The following TBC1D5 variants were observed in gnomAD, a reference collection of about 807,000 sequenced individuals.
TBC1D5 encodes TBC1 domain family, member 5.
A neutral mutation model predicts 100.3 loss-of-function variants in TBC1D5; 75 were observed. That is an observed-to-expected ratio of 0.75 (90% CI 0.62 to 0.91). The LOEUF (loss-of-function observed/expected upper bound fraction) is 0.91. Ranked by LOEUF, TBC1D5 falls within the 40% of genes least tolerant of loss-of-function variation. The pLI is 0.00. For missense variants in TBC1D5, 910 were observed against 942.4 expected (o/e 0.97, Z 0.45); for synonymous variants, 323 against 325.6 (o/e 0.99, Z 0.09).
chr3:17,215,299 C>T (rs188051367), intron 17 of TBC1D5, among the ~76,000 whole-genome samples: 1 of 152,202 alleles, frequency 6.6e-6, no homozygotes, highest in African/African-American at 2.4e-5. Context: ...ATGATCATGA[C>T]TTGGTGGTGA....
intron 1 of TBC1D5, among the ~76,000 whole-genome samples, chr3:17,731,443 T>G (rs1486763620): frequency 1.4e-5 from 2 of 146,016 alleles, no homozygotes; most frequent in African/African-American, 2.6e-5. Flanking sequence ...GAGGCGGAGG[T>G]TGCAGTGAGC....
At chr3:17,584,724 T>A (rs1008513546) in intron 2 of TBC1D5, among the ~76,000 whole-genome samples, 27 of 152,248 alleles carry the variant, frequency 1.8e-4, no homozygotes, top group Admixed American at 9.8e-4. Context: ...TGGCACGATC[T>A]CGGCTCACTG....
chr3:17,489,072 G>A (rs1454324546), intron 3 of TBC1D5, among the ~76,000 whole-genome samples: 2 of 151,404 alleles, frequency 1.3e-5, no homozygotes, highest in African/African-American at 4.9e-5. Flanking sequence ...AAAAACGCTG[G>A]GGACTACTGG....
chr3:17,682,264 A>T (rs904201599), intron 1 of TBC1D5, among the ~76,000 whole-genome samples: 2 of 151,084 alleles, frequency 1.3e-5, no homozygotes, highest in African/African-American at 2.5e-5. Flanking sequence ...TCTCTAGAAA[A>T]ATAAAATAAA....
At chr3:17,742,276 C>T (rs564688609), upstream of TBC1D5, among the ~76,000 whole-genome samples, 37 of 152,288 alleles carry the variant, frequency 2.4e-4, no homozygotes, top group African/African-American at 8.2e-4. Flanking sequence ...ACCCGTCCGC[C>T]GTGGCGGCGG....
intron 1 of TBC1D5, among the ~76,000 whole-genome samples, chr3:17,689,518 CAAA>C (rs373476990): frequency 4.2e-4 from 23 of 55,060 alleles, no homozygotes; most frequent in Admixed American, 3.2e-3. Context: ...GACCCTGTCT[CAAA>C]AAAAAAAAAA....
At chr3:17,432,145 T>C (rs904269759) in intron 3 of TBC1D5, among the ~76,000 whole-genome samples, 1 of 152,040 alleles carries the variant, frequency 6.6e-6, no homozygotes, top group African/African-American at 2.4e-5. Context: ...AAAGAAAAGG[T>C]TTTATCTTTG....
intron 4 of TBC1D5, among the ~76,000 whole-genome samples, chr3:17,407,681 G>A (rs547119490): frequency 6.6e-6 from 1 of 152,112 alleles, no homozygotes; most frequent in Non-Finnish European, 1.5e-5. Context: ...CAGAAAAGAA[G>A]TTCCAGAAGA....
At chr3:17,660,305 T>C (rs184650515) in intron 1 of TBC1D5, among the ~76,000 whole-genome samples, 21 of 152,334 alleles carry the variant, frequency 1.4e-4, no homozygotes, top group African/African-American at 3.6e-4. Context: ...TAGAAGAGAC[T>C]CCACTGGTTG....
intron 17 of TBC1D5, among the ~76,000 whole-genome samples, chr3:17,235,022 C>T (rs2075747385): frequency 1.3e-5 from 2 of 152,114 alleles, no homozygotes; most frequent in South Asian, 2.1e-4. Flanking sequence ...CTGATAATGG[C>T]GTGCCTACTT....
intron 1 of TBC1D5, among the ~76,000 whole-genome samples, chr3:17,721,293 T>C (rs535261616): frequency 1.3e-5 from 2 of 152,314 alleles, no homozygotes; most frequent in South Asian, 4.1e-4. Context: ...TCCTAAATTA[T>C]TGTAGGTCAA....
chr3:17,337,353 A>T (rs2088071312), intron 13 of TBC1D5: 2 of 152,098 alleles, frequency 1.3e-5, no homozygotes, highest in African/African-American at 4.8e-5. Flanking sequence ...ACGTGATGTC[A>T]TTTGGCCCAA....
upstream of TBC1D5, among the ~76,000 whole-genome samples, chr3:17,741,786 TGCCCTCCCTGCGAA>T (rs1305511133): frequency 2.7e-5 from 4 of 149,192 alleles, no homozygotes; most frequent in African/African-American, 9.9e-5. Context: ...GAGCGGGATT[TGCCCTCCCTGCGAA>T]TTTTTTTTTT....
intron 13 of TBC1D5, among the ~76,000 whole-genome samples, chr3:17,360,716 AG>A (rs972882013): frequency 5.3e-5 from 8 of 152,024 alleles, no homozygotes; most frequent in African/African-American, 1.9e-4. Flanking sequence ...TTAAAAATAA[AG>A]TCTTAGTTGC....
chr3:17,560,103 C>T (rs911001321), intron 2 of TBC1D5, among the ~76,000 whole-genome samples: 2 of 152,072 alleles, frequency 1.3e-5, no homozygotes, highest in Admixed American at 1.3e-4. Flanking sequence ...CACCTATAGT[C>T]CTATCTAAGG....
chr3:17,232,133 C>T (rs193214918), intron 17 of TBC1D5, among the ~76,000 whole-genome samples: 4 of 152,208 alleles, frequency 2.6e-5, no homozygotes, highest in Non-Finnish European at 5.9e-5. Flanking sequence ...TATAACCTCC[C>T]TCTTTGAAGT....
intron 3 of TBC1D5, among the ~76,000 whole-genome samples, chr3:17,466,075 G>C (rs1449698641): frequency 6.6e-6 from 1 of 152,174 alleles, no homozygotes; most frequent in Admixed American, 6.5e-5. Flanking sequence ...ATCTTGCGTG[G>C]CATGAAATTC....
At chr3:17,234,599 C>T (rs535098961) in intron 17 of TBC1D5, among the ~76,000 whole-genome samples, 10 of 152,110 alleles carry the variant, frequency 6.6e-5, no homozygotes, top group Non-Finnish European at 1.0e-4. Flanking sequence ...TCACTGTCAA[C>T]AGAATCATTC....
At chr3:17,276,772 C>T (rs1322701153) in intron 15 of TBC1D5, among the ~76,000 whole-genome samples, 2 of 152,200 alleles carry the variant, frequency 1.3e-5, no homozygotes, top group African/African-American at 2.4e-5. Context: ...ACTATGTTTT[C>T]TAAAGGCTCG....
Sources: allele counts gnomAD v4.1 joint callset (sites outside exome capture counted in the v4.1 genomes callset), GRCh38; gene constraint gnomAD v4.1.1; transcripts MANE v1.5; gene names NCBI Gene and HGNC (gene_info 2026-07-23, HGNC 2026-07-21).